Variants in MAL2 observed in about 807,000 individuals in gnomAD.
MAL2 encodes mal, T cell differentiation protein 2, also known as protein MAL2.
In MAL2, 17 loss-of-function variants were observed where a neutral mutation model predicts 18.1. That is an observed-to-expected ratio of 0.94 (90% CI 0.64 to 1.41). The LOEUF (loss-of-function observed/expected upper bound fraction) is 1.41, where lower values mean the gene tolerates loss of function less well. Ranked by LOEUF, MAL2 falls within the 40% of genes most tolerant of loss-of-function variation. MAL2 has a pLI of 0.00. For synonymous variants in MAL2, 102 were observed against 102.3 expected (o/e 1.00, Z 0.02); for missense variants, 222 against 231.9 (o/e 0.96, Z 0.28).
At chr8:119,239,664 G>A (rs370466888) in intron 2 of MAL2, among the ~76,000 whole-genome samples, 15,366 of 149,292 alleles carry the variant, frequency 0.1, 1,023 homozygotes, top group African/African-American at 0.14. Flanking sequence ...GTAAACTATC[G>A]CAAGAACAAA....
At position 119,221,629 on chromosome 8, in the gene MAL2, G is replaced by GTTCCTC; in HGVS notation, c.177_182dup (p.Pro62_Leu63dup). ...CTGGATTTTGGTTGCCTCCTCCAAT[G>GTTCCTC]TTCCTCTACCTCTACTACAAGGATG... On this transcript the variant is annotated inframe_insertion, in exon 2 of 4. Transcript: ENST00000614891. 6.2e-7 allele frequency: 1 copy of GTTCCTC among 1,613,844 alleles called. No homozygotes were observed. Among genetic ancestry groups the GTTCCTC allele is most frequent in the South Asian group, 1.1e-5 (1 of 91,078 alleles).
intron 3 of MAL2, among the ~76,000 whole-genome samples, chr8:119,243,046 C>T (rs1428515307): frequency 6.6e-6 from 1 of 152,180 alleles, no homozygotes; most frequent in African/African-American, 2.4e-5. Context: ...TTGCTGGCTT[C>T]CTTGGCTGTG....
At chr8:119,213,185 A>G (rs1249671213) in intron 1 of MAL2, among the ~76,000 whole-genome samples, 1 of 152,194 alleles carries the variant, frequency 6.6e-6, no homozygotes, top group Non-Finnish European at 1.5e-5. Context: ...ACTTAAATAT[A>G]AGATGTAACT....
chr8:119,239,348 A>T (rs1817993550), intron 2 of MAL2, among the ~76,000 whole-genome samples: 1 of 152,026 alleles, frequency 6.6e-6, no homozygotes, highest in African/African-American at 2.4e-5. Context: ...TAGTTCAACC[A>T]TTGTGGAAGT....
At chr8:119,209,118 CT>C in intron 1 of MAL2, 1 of 162,436 alleles carries the variant, frequency 6.2e-6, no homozygotes, top group Admixed American at 6.1e-5. Flanking sequence ...CTTGAACATG[CT>C]TTTTCCCCAC....
In MAL2 at chr8:119,208,840, G is replaced by C. The variant is rs1017629518; in HGVS notation, c.132+236G>C. The C allele has an allele frequency of 1.9e-6, 1 of 520,900 alleles. No individual in the cohort carries two copies. Among genetic ancestry groups the C allele is most frequent in the Middle Eastern group, 6.0e-4 (1 of 1,660 alleles). The allele number at this position is 520,900 out of a possible 1,614,324, so 32.3% of individuals were successfully genotyped here. A position where few individuals can be genotyped will look rare whatever the true frequency, so the allele number is the denominator to read the frequency against. ...CCGCGGGCGACGGAAATTGCCTGGG[G>C]AGGGCGAGTAGGCGGCCCGGCAGGG... On this transcript the variant is annotated intron_variant, in intron 1 of 3. Coordinates refer to ENST00000614891, the MANE Select transcript of MAL2 (RefSeq NM_052886.3). This position sits in a 1 kb window ranked among gnomAD's most constrained non-coding sequence, Gnocchi z 4.3.
intron 2 of MAL2, among the ~76,000 whole-genome samples, chr8:119,237,065 AAG>A (rs1032523820): frequency 1.3e-5 from 2 of 151,456 alleles, no homozygotes; most frequent in Non-Finnish European, 3.0e-5. Flanking sequence ...TAAAGAAAAA[AAG>A]AAGAATCAAA....
chr8:119,238,133 A>C (rs1817954284), intron 2 of MAL2, among the ~76,000 whole-genome samples: 1 of 152,264 alleles, frequency 6.6e-6, no homozygotes, highest in African/African-American at 2.4e-5. Context: ...GCATTCTTAT[A>C]TACCAATAAC....
intron 2 of MAL2, among the ~76,000 whole-genome samples, chr8:119,238,928 G>C (rs1259416353): frequency 6.6e-6 from 1 of 151,696 alleles, no homozygotes; most frequent in Non-Finnish European, 1.5e-5. Flanking sequence ...TGACAAATGG[G>C]AGCTAATTAA....
At chr8:119,239,908 A>T (rs1008993854) in intron 2 of MAL2, among the ~76,000 whole-genome samples, 3 of 152,272 alleles carry the variant, frequency 2.0e-5, no homozygotes, top group African/African-American at 7.2e-5. Context: ...AAGTATAATA[A>T]TAAAAAAATA....
Position 119,244,100 on chromosome 8 carries a change from T to C in MAL2, c.*612T>C, listed in dbSNP as rs527612145. On this transcript the variant is annotated 3_prime_UTR_variant, in exon 4 of 4. Coordinates refer to ENST00000614891, the MANE Select transcript of MAL2 (RefSeq NM_052886.3). ...CTTATTTATAAAAACAAGGGGAGGC[T>C]GGGTTTAGCCTGTGGGCCATAGTTT... 2.4e-4 allele frequency: 36 copies of C among 152,324 alleles called. No individual in the cohort carries two copies. Among genetic ancestry groups the C allele is most frequent in the African/African-American group, 8.7e-4 (36 of 41,584 alleles). The allele number at this position is 152,324 out of a possible 1,614,324, so 9.4% of individuals were successfully genotyped here.
intron 1 of MAL2, chr8:119,221,367 G>A (rs906781024): frequency 2.7e-5 from 14 of 523,718 alleles, no homozygotes; most frequent in Non-Finnish European, 4.8e-5. Context: ...TACAGGTGTG[G>A]AGTTGGATCA....
chr8:119,222,901 TTTTG>T (rs2129816641), intron 2 of MAL2, among the ~76,000 whole-genome samples: 1 of 152,236 alleles, frequency 6.6e-6, no homozygotes, highest in South Asian at 2.1e-4. Context: ...TAGATCAACT[TTTTG>T]TTTAGTATAT....
intron 1 of MAL2, among the ~76,000 whole-genome samples, chr8:119,213,247 G>A (rs1817293278): frequency 6.6e-6 from 1 of 152,192 alleles, no homozygotes; most frequent in Non-Finnish European, 1.5e-5. Flanking sequence ...GATTGTGAGG[G>A]AGGGACTTTA....
At chr8:119,228,578 C>A (rs1387033650) in intron 2 of MAL2, among the ~76,000 whole-genome samples, 1 of 152,134 alleles carries the variant, frequency 6.6e-6, no homozygotes, top group Non-Finnish European at 1.5e-5. Flanking sequence ...GCCAGGCCAG[C>A]AGCTTCTAGG....
In MAL2 at chr8:119,240,310, T is replaced by C; in HGVS notation, c.449T>C (p.Val150Ala). Residue 150 changes from valine to alanine, a missense_variant, in exon 3 of 4, where the codon GTA (valine) becomes GCA (alanine). Physicochemically the swap from Val to Ala is moderately conservative, Grantham distance 64. Coordinates refer to ENST00000614891, the MANE Select transcript of MAL2 (RefSeq NM_052886.3). ...LLSDNQYNIN[V>A]AASIFAFMTT... ...AGTGATAACCAGTATAACATAAACG[T>C]AGCAGCCTCAGTAAGTATTCATATT... 1 of 1,613,334 alleles carries C rather than the reference T, an allele frequency of 6.2e-7. No individual in the cohort carries two copies. Among genetic ancestry groups the C allele is most frequent in the Non-Finnish European group, 8.5e-7 (1 of 1,179,590 alleles).
intron 2 of MAL2, among the ~76,000 whole-genome samples, chr8:119,231,349 C>T (rs1474134077): frequency 6.6e-6 from 1 of 152,178 alleles, no homozygotes; most frequent in Non-Finnish European, 1.5e-5. Flanking sequence ...AGAACAATTT[C>T]TATAAACAGT....
chr8:119,217,514 A>G (rs1817376962), intron 1 of MAL2, among the ~76,000 whole-genome samples: 1 of 152,198 alleles, frequency 6.6e-6, no homozygotes, highest in Non-Finnish European at 1.5e-5. Context: ...GCACTGACTT[A>G]GTTTCTTAAA....
chr8:119,216,140 G>A (rs1004612303), intron 1 of MAL2, among the ~76,000 whole-genome samples: 5 of 151,882 alleles, frequency 3.3e-5, no homozygotes, highest in African/African-American at 1.2e-4. Context: ...ACTTCTGGGT[G>A]GGGGGGCCAC....
Sources: allele counts gnomAD v4.1 joint callset (sites outside exome capture counted in the v4.1 genomes callset), GRCh38; gene constraint gnomAD v4.1.1; non-coding constraint Gnocchi (gnomAD v3.1); transcripts MANE v1.5; gene names NCBI Gene and HGNC (gene_info 2026-07-23, HGNC 2026-07-21).